ARGLU1: variants seen among roughly 807,000 people sequenced by gnomAD.
The protein encoded by ARGLU1 is arginine and glutamate-rich protein 1.
In ARGLU1, 9 loss-of-function variants were observed where a neutral mutation model predicts 37.6. The ratio of observed to expected loss-of-function variants is 0.24; its 90% CI spans 0.14 to 0.42. The LOEUF (loss-of-function observed/expected upper bound fraction) is 0.42. Ranked by LOEUF, ARGLU1 falls within the 10% of genes least tolerant of loss-of-function variation. The pLI is 1.00. For missense variants in ARGLU1, 211 were observed against 359.2 expected, an observed-to-expected ratio of 0.59 and a Z score of 3.34; for synonymous variants, 166 against 138.5, an observed-to-expected ratio of 1.20 and a Z score of -1.39.
chr13:106,551,832 C>T (rs559280501), intron 3 of ARGLU1, among the ~76,000 whole-genome samples: 10 of 152,314 alleles, frequency 6.6e-5, no homozygotes, highest in African/African-American at 1.9e-4. Flanking sequence ...CTTTACTTAG[C>T]TTCCTTCTCC....
At chr13:106,547,401 T>C (rs1241624068) in intron 3 of ARGLU1, among the ~76,000 whole-genome samples, 3 of 152,154 alleles carry the variant, frequency 2.0e-5, no homozygotes, top group Admixed American at 6.5e-5. Context: ...GAAACTGATA[T>C]ATTTACAGGG....
In ARGLU1 at chr13:106,543,927, C is replaced by A. The variant is rs576636775; in HGVS notation, c.*69G>T. The A allele has an allele frequency of 1.8e-5, 26 of 1,449,890 alleles. No individual in the cohort carries two copies. The highest frequency in any genetic ancestry group is 2.7e-5 in the Admixed American group (1 of 37,338). 89.8% of individuals were successfully genotyped at this position (1,449,890 alleles called of 1,614,324 possible). ...AAAAAACAAAAACAAAAACAAAAAA[C>A]CACTTCAACATGAAGCTACCATACA... On this transcript the variant is annotated 3_prime_UTR_variant, in exon 4 of 4. Transcript: ENST00000400198.
At chr13:106,549,011 A>C (rs566789415) in intron 3 of ARGLU1, among the ~76,000 whole-genome samples, 1 of 152,284 alleles carries the variant, frequency 6.6e-6, no homozygotes, top group East Asian at 1.9e-4. Context: ...CTGGCCTCCC[A>C]AAGTGCTGGG....
At chr13:106,556,418 G>C (rs1213253737) in intron 3 of ARGLU1, among the ~76,000 whole-genome samples, 3 of 152,086 alleles carry the variant, frequency 2.0e-5, no homozygotes, top group African/African-American at 7.2e-5. Flanking sequence ...GTTATTTATG[G>C]TCTTCCTTCA....
chr13:106,554,872 G>A (rs961886949), intron 3 of ARGLU1, among the ~76,000 whole-genome samples: 2 of 136,554 alleles, frequency 1.5e-5, no homozygotes, highest in Non-Finnish European at 3.1e-5. Context: ...GCAACACAGC[G>A]AGATTCCATC....
chr13:106,565,322 A>C lies in ARGLU1; in HGVS notation c.347+2251T>G, dbSNP rs368004087. Among the ~76,000 whole-genome samples, 8 of 152,226 alleles carry C rather than the reference A, an allele frequency of 5.3e-5. No homozygotes were observed. In the East Asian group the frequency reaches 1.5e-3, roughly 29 times the overall value. ...AGACCATTTCCTCTATTTTGGCAGG[A>C]GTCGGGGGAGGAGGCTCTTTTCTGT... On this transcript the variant is annotated intron_variant, in intron 1 of 3. Transcript: ENST00000400198.
chr13:106,549,468 T>C (rs1880479577), intron 3 of ARGLU1, among the ~76,000 whole-genome samples: 1 of 152,232 alleles, frequency 6.6e-6, no homozygotes, highest in South Asian at 2.1e-4. Context: ...AAAAAATATA[T>C]TTGATACGAT....
At chr13:106,553,001 C>G (rs1435834341) in intron 3 of ARGLU1, among the ~76,000 whole-genome samples, 1 of 152,118 alleles carries the variant, frequency 6.6e-6, no homozygotes. Flanking sequence ...CTAACACATT[C>G]CTTATTAGTC....
intron 1 of ARGLU1, among the ~76,000 whole-genome samples, chr13:106,562,735 T>C (rs531805261): frequency 2.0e-4 from 31 of 152,060 alleles, no homozygotes; most frequent in Non-Finnish European, 4.3e-4. Context: ...CTCACGCCTG[T>C]AATCCCAGCA....
intron 2 of ARGLU1, chr13:106,558,927 TA>T: frequency 1.0e-6 from 1 of 985,106 alleles, no homozygotes; most frequent in Non-Finnish European, 1.2e-6. Flanking sequence ...GAGTGAGGGA[TA>T]AAAGAAGGAA....
intron 3 of ARGLU1, among the ~76,000 whole-genome samples, chr13:106,556,541 CT>C (rs1434760271): frequency 2.2e-5 from 3 of 135,748 alleles, no homozygotes; most frequent in Admixed American, 7.9e-5. Context: ...TTACAACTTG[CT>C]TTCCCCCACC....
rs1447859149 is a variant in ARGLU1 at position 106,544,800 on chromosome 13, CAA to C, written c.658-642_658-641del. Among the ~76,000 whole-genome samples the C allele has an allele frequency of 3.9e-5, 6 of 152,110 alleles. No homozygotes were observed. In the South Asian group the frequency reaches 1.0e-3, roughly 26 times the overall value. ...GGGACTATATTATAGTATCAGTAGA[CAA>C]CCAAGAAACACGACAGACCCAATTA... On this transcript the variant is annotated intron_variant, in intron 3 of 3. Coordinates refer to ENST00000400198, the MANE Select transcript of ARGLU1 (RefSeq NM_018011.4).
At chr13:106,559,145 G>GT (rs1566474275) in intron 2 of ARGLU1, 7 of 1,346,872 alleles carry the variant, frequency 5.2e-6, no homozygotes, top group African/African-American at 1.5e-5. Context: ...AAAAAAGAAT[G>GT]TAAGTCCTGC....
chr13:106,553,992 C>T (rs562360584), intron 3 of ARGLU1, among the ~76,000 whole-genome samples: 1 of 152,152 alleles, frequency 6.6e-6, no homozygotes, highest in Non-Finnish European at 1.5e-5. Context: ...CCCCAAAGGC[C>T]TTTGCCCTGT....
In ARGLU1 at chr13:106,567,844, G is replaced by A; in HGVS notation, c.76C>T (p.Arg26Trp). Reference sequence around the variant, plus strand: ...TTGTCCCGGGATCGCGACCGGGACCGGCTGCGCTTCTTGTTGTGCTTGCTG... The same window carrying A: ...TTGTCCCGGGATCGCGACCGGGACCAGCTGCGCTTCTTGTTGTGCTTGCTG... The part of the protein sequence containing the change: ...KSSKHNKKRS[R>W]SRSRSRDKER... The change falls in exon 1 of 4, where the codon CGG (arginine) becomes TGG (tryptophan). Residue 26 changes from arginine (R) to tryptophan (W), a missense_variant. Physicochemically the swap from Arg to Trp is moderately radical, Grantham distance 101. Transcript: ENST00000400198. This position sits in a 1 kb window ranked among gnomAD's most constrained non-coding sequence, Gnocchi z 4.3. 1 of 1,613,432 alleles carries A rather than the reference G, an allele frequency of 6.2e-7. No homozygotes were observed. Among genetic ancestry groups the A allele is most frequent in the Non-Finnish European group, 8.5e-7 (1 of 1,179,874 alleles).
At chr13:106,558,109 G>C in intron 2 of ARGLU1, 1 of 984,986 alleles carries the variant, frequency 1.0e-6, no homozygotes, top group Non-Finnish European at 1.2e-6. Context: ...CTGTCAGAGG[G>C]TTGTGTCCGT....
rs1880283303 is a variant in ARGLU1, at chr13:106,542,322, G to T, written c.*1674C>A. ...TACATTGAAAAAAAAAAAAATTCAT[G>T]AAATAATTACAGCTAACCTATATTT... On this transcript the variant is annotated 3_prime_UTR_variant, in exon 4 of 4. Coordinates refer to ENST00000400198, the MANE Select transcript of ARGLU1 (RefSeq NM_018011.4). 1 of 151,354 alleles carries T rather than the reference G, an allele frequency of 6.6e-6. No individual in the cohort carries two copies. The highest frequency in any genetic ancestry group is 2.4e-5 in the African/African-American group (1 of 41,296). 9.4% of individuals were successfully genotyped at this position (151,354 alleles called of 1,614,324 possible). A position where few individuals can be genotyped will look rare whatever the true frequency, so the allele number is the denominator to read the frequency against.
At chr13:106,551,247 C>T (rs1304719497) in intron 3 of ARGLU1, among the ~76,000 whole-genome samples, 1 of 152,172 alleles carries the variant, frequency 6.6e-6, no homozygotes, top group East Asian at 1.9e-4. Context: ...TTCAATTTAG[C>T]TTTTCTTGCC....
chr13:106,567,941 C>A lies in ARGLU1; in HGVS notation c.-22G>T. The A allele has an allele frequency of 6.3e-7, 1 of 1,596,212 alleles. No individual in the cohort carries two copies. Among genetic ancestry groups the A allele is most frequent in the Non-Finnish European group, 8.5e-7 (1 of 1,177,006 alleles). ...CCATCCTTCCGGGAGACGCTCTAACCGCTCGCCTCAGGCCCCTCACGCGGC... is the reference window on the plus strand; with the variant it reads ...CCATCCTTCCGGGAGACGCTCTAACAGCTCGCCTCAGGCCCCTCACGCGGC... On this transcript the variant is annotated 5_prime_UTR_variant, in exon 1 of 4. Coordinates refer to ENST00000400198, the MANE Select transcript of ARGLU1 (RefSeq NM_018011.4). The surrounding 1 kb of genome is among the most constrained non-coding windows in gnomAD (Gnocchi z 4.3).
Sources: allele counts gnomAD v4.1 joint callset (sites outside exome capture counted in the v4.1 genomes callset), GRCh38; gene constraint gnomAD v4.1.1; non-coding constraint Gnocchi (gnomAD v3.1); transcripts MANE v1.5; gene names NCBI Gene and HGNC (gene_info 2026-07-23, HGNC 2026-07-21).